Variants in MED30 observed in about 807,000 individuals in gnomAD.
MED30 encodes the protein mediator complex subunit 30.
A neutral mutation model predicts 21.7 loss-of-function variants in MED30; 8 were observed. That is an observed-to-expected ratio of 0.37 (90% confidence interval 0.22 to 0.67). The LOEUF (loss-of-function observed/expected upper bound fraction) is 0.67, where lower values mean the gene tolerates loss of function less well. Ranked by LOEUF, MED30 falls within the 30% of genes least tolerant of loss-of-function variation. MED30 has a pLI of 0.58. For missense variants in MED30, 203 were observed against 228.2 expected (o/e 0.89, Z 0.71); for synonymous variants, 79 against 86.7 (o/e 0.91, Z 0.49).
intron 1 of MED30, among the ~76,000 whole-genome samples, chr8:117,524,792 G>T (rs925469906): frequency 1.3e-5 from 2 of 152,026 alleles, no homozygotes; most frequent in African/African-American, 4.8e-5. Flanking sequence ...TTAAGCAAAT[G>T]TTTATGTATA....
At chr8:117,524,696 T>C (rs915487888) in intron 1 of MED30, among the ~76,000 whole-genome samples, 6 of 152,332 alleles carry the variant, frequency 3.9e-5, no homozygotes, top group South Asian at 2.1e-4. Context: ...CTATCTCTTA[T>C]ACTATGTACC....
chr8:117,528,568 TTC>T (rs1172196343), intron 1 of MED30, 81 bp from the exon 2 acceptor site: 5 of 1,272,604 alleles, frequency 3.9e-6, no homozygotes, highest in Non-Finnish European at 1.1e-6. Context: ...TAAAAATTGT[TTC>T]TGTTTGTTGG....
At chr8:117,532,935 T>C (rs1230855316) in intron 3 of MED30, among the ~76,000 whole-genome samples, 2 of 152,036 alleles carry the variant, frequency 1.3e-5, no homozygotes, top group Non-Finnish European at 2.9e-5. Flanking sequence ...TTTCTGTTGA[T>C]AAATATGTAT....
At chr8:117,533,907 C>CTTCT (rs1254427222) in intron 3 of MED30, among the ~76,000 whole-genome samples, 2 of 152,158 alleles carry the variant, frequency 1.3e-5, no homozygotes, top group African/African-American at 2.4e-5. Context: ...ACATCAGTGA[C>CTTCT]TTCTTTAGAA....
At chr8:117,533,889 A>G (rs926688780) in intron 3 of MED30, among the ~76,000 whole-genome samples, 4 of 152,010 alleles carry the variant, frequency 2.6e-5, no homozygotes, top group Admixed American at 2.6e-4. Context: ...CTTGTTGGTG[A>G]TGTGCATACA....
At chr8:117,531,937 A>G (rs1294671063) in intron 3 of MED30, among the ~76,000 whole-genome samples, 2 of 152,022 alleles carry the variant, frequency 1.3e-5, no homozygotes, top group Non-Finnish European at 2.9e-5. Context: ...CAACTAGTCT[A>G]TAAGAGTTCC....
chr8:117,526,398 A>G (rs554315835), intron 1 of MED30, among the ~76,000 whole-genome samples: 2 of 152,174 alleles, frequency 1.3e-5, no homozygotes, highest in East Asian at 1.9e-4. Context: ...GAATGCTTCT[A>G]ATGATTCCAC....
chr8:117,535,542 T>A (rs1236532684), intron 3 of MED30, among the ~76,000 whole-genome samples: 1 of 152,064 alleles, frequency 6.6e-6, no homozygotes, highest in African/African-American at 2.4e-5. Context: ...CATCTTTTTT[T>A]TTTTCCGTAA....
At chr8:117,524,265 A>G (rs971207275) in intron 1 of MED30, among the ~76,000 whole-genome samples, 7 of 152,134 alleles carry the variant, frequency 4.6e-5, no homozygotes, top group African/African-American at 1.5e-4. Context: ...TTAACTATAT[A>G]TAACCTAGTG....
At chr8:117,535,161 T>A (rs1010055477) in intron 3 of MED30, among the ~76,000 whole-genome samples, 2 of 151,866 alleles carry the variant, frequency 1.3e-5, no homozygotes, top group African/African-American at 4.8e-5. Flanking sequence ...GCTCTGTGTC[T>A]CCATTCTAGA....
intron 3 of MED30, among the ~76,000 whole-genome samples, chr8:117,536,558 C>T (rs965355421): frequency 1.3e-5 from 2 of 152,056 alleles, no homozygotes; most frequent in Non-Finnish European, 2.9e-5. Context: ...ACTATTTAGT[C>T]GTTATGGTCT....
At chr8:117,527,147 T>G (rs1233453404) in intron 1 of MED30, among the ~76,000 whole-genome samples, 1 of 151,944 alleles carries the variant, frequency 6.6e-6, no homozygotes, top group African/African-American at 2.4e-5. Context: ...ATCATCATGC[T>G]CCTTTCTGTC....
intron 3 of MED30, among the ~76,000 whole-genome samples, chr8:117,532,156 T>C (rs1818800923): frequency 6.6e-6 from 1 of 151,978 alleles, no homozygotes; most frequent in Admixed American, 6.6e-5. Context: ...CAATACATAT[T>C]ATAAAAATAC....
In MED30 at chr8:117,528,741, A is replaced by G. The variant is rs1425482426; in HGVS notation, c.268A>G (p.Arg90Gly). ...DNLRQLSVLF[R>G]KLRLVYDKCN... The stretch of plus-strand genomic sequence containing the variant: ...TCTTCGCCAACTTTCAGTTCTCTTC[A>G]GGAAGCTGAGATTGGTATATGACAA... Residue 90 changes from arginine (R) to glycine (G), a missense_variant, in exon 2 of 4, where the codon AGG becomes GGG. Coordinates refer to ENST00000297347, the MANE Select transcript of MED30 (RefSeq NM_080651.4). The G allele has an allele frequency of 1.9e-6, 3 of 1,611,622 alleles. No individual in the cohort carries two copies. Among genetic ancestry groups the G allele is most frequent in the African/African-American group, 1.3e-5 (1 of 74,938 alleles).
At chr8:117,521,418 T>C (rs1818617421) in intron 1 of MED30, among the ~76,000 whole-genome samples, 1 of 151,764 alleles carries the variant, frequency 6.6e-6, no homozygotes. Flanking sequence ...TTGAAGAATT[T>C]ACATTTTTTT....
chr8:117,527,787 C>T (rs1818740990), intron 1 of MED30, among the ~76,000 whole-genome samples: 1 of 151,642 alleles, frequency 6.6e-6, no homozygotes, highest in Non-Finnish European at 1.5e-5. Context: ...AAACGTGGTA[C>T]TGTGTAAATA....
Position 117,520,810 on chromosome 8 carries a change from C to G in MED30, c.-67C>G. On this transcript the variant is annotated 5_prime_UTR_variant, in exon 1 of 4. Transcript: ENST00000297347. ...TTCCAACGCTGAGGCCCCACAGCCT[C>G]CCAATTCCGGGCAGACCCCTGACAC... 1 of 1,451,004 alleles carries G rather than the reference C, an allele frequency of 6.9e-7. No homozygotes were observed. The highest frequency in any genetic ancestry group is 9.2e-7 in the Non-Finnish European group (1 of 1,091,752). 89.9% of individuals were successfully genotyped at this position (1,451,004 alleles called of 1,614,324 possible).
chr8:117,527,977 CT>C (rs1818743344), intron 1 of MED30, among the ~76,000 whole-genome samples: 1 of 151,704 alleles, frequency 6.6e-6, no homozygotes, highest in Non-Finnish European at 1.5e-5. Context: ...TCAATATATA[CT>C]TTTCTTCTTT....
chr8:117,532,344 A>G (rs1459168782), intron 3 of MED30, among the ~76,000 whole-genome samples: 2 of 152,028 alleles, frequency 1.3e-5, no homozygotes, highest in East Asian at 1.9e-4. Flanking sequence ...GTTGATAAAT[A>G]CGACTAATAA....
Sources: allele counts gnomAD v4.1 joint callset (sites outside exome capture counted in the v4.1 genomes callset), GRCh38; gene constraint gnomAD v4.1.1; transcripts MANE v1.5; gene names NCBI Gene and HGNC (gene_info 2026-07-23, HGNC 2026-07-21).